The following DDX51 variants were observed in gnomAD, a reference collection of about 807,000 sequenced individuals.
DDX51 encodes DEAD-box helicase 51.
A neutral mutation model predicts 74.6 loss-of-function variants in DDX51; 67 were observed. That is an observed-to-expected ratio of 0.90 (90% CI 0.74 to 1.10). DDX51 has a LOEUF of 1.10. DDX51 is among the 50% of genes least tolerant of loss of function. The pLI is 0.00. For synonymous variants in DDX51, 545 were observed against 402.9 expected (o/e 1.35, Z -4.22); for missense variants, 1,056 against 905.2 (o/e 1.17, Z -2.14).
In DDX51 at chr12:132,143,860, C is replaced by G; in HGVS notation, c.354G>C (p.Glu118Asp). Residue 118 changes from glutamate to aspartate, a missense_variant, in exon 2 of 15, where the codon GAG becomes GAC. By Grantham distance (45) the Glu-to-Asp change is conservative. Coordinates refer to ENST00000397333, the MANE Select transcript of DDX51 (RefSeq NM_175066.4). ...PGEPSAGSSE[E>D]APGEPSAGSS... ...TCCCTGCGCTGGGCTCCCCTGGCGC[C>G]TCCTCGCTGCTCCCTGCGCTGGGCT... 4 of 1,529,732 alleles carry G rather than the reference C, an allele frequency of 2.6e-6. No individual in the cohort carries two copies. Among genetic ancestry groups the G allele is most frequent in the African/African-American group, 1.4e-5 (1 of 70,494 alleles). 94.8% of individuals were successfully genotyped at this position (1,529,732 alleles called of 1,614,324 possible).
intron 14 of DDX51, 163 bp from the exon 15 acceptor site, chr12:132,139,461 C>T: frequency 6.6e-7 from 1 of 1,524,486 alleles, no homozygotes; most frequent in Middle Eastern, 1.8e-4. Context: ...GTGTTTCCAC[C>T]ACTGGTGCCC....
Position 132,140,438 on chromosome 12 carries a change from T to C in DDX51, c.1658A>G (p.Gln553Arg), listed in dbSNP as rs1897402990. The C allele has an allele frequency of 1.2e-6, 2 of 1,613,264 alleles. No individual in the cohort carries two copies. Among genetic ancestry groups the C allele is most frequent in the East Asian group, 2.2e-5 (1 of 44,892 alleles). ...QRRMILKQFE[Q>R]GKIQLLISTD... ...AGGAACTCACAGCTGGATCTTCCCCTGTTCAAACTGCTTCAGGATCATCCT... is the reference window on the plus strand; with the variant it reads ...AGGAACTCACAGCTGGATCTTCCCCCGTTCAAACTGCTTCAGGATCATCCT... Residue 553 changes from glutamine to arginine, a missense_variant, in exon 11 of 15, where the codon CAG (glutamine) becomes CGG (arginine). Coordinates refer to ENST00000397333, the MANE Select transcript of DDX51 (RefSeq NM_175066.4).
intron 3 of DDX51, 37 bp from the exon 4 acceptor site, chr12:132,142,459 G>A (rs369465417): frequency 2.2e-4 from 352 of 1,592,376 alleles, no homozygotes; most frequent in Non-Finnish European, 2.9e-4. Flanking sequence ...TCGTGTTTAC[G>A]CCTAGGCCTA....
rs377228912 is a variant in DDX51, at chr12:132,142,382, G to C, written c.711C>G (p.Ala237=). 5.5e-5 allele frequency: 88 copies of C among 1,612,828 alleles called. No individual in the cohort carries two copies. The highest frequency in any genetic ancestry group is 4.9e-4 in the Middle Eastern group (3 of 6,082). The change falls in exon 4 of 15, where the codon GCC becomes GCG. Residue 237 remains alanine (A), a synonymous_variant. Coordinates refer to ENST00000397333, the MANE Select transcript of DDX51 (RefSeq NM_175066.4). The part of the protein sequence containing the change: ...AVIPALLESA[A]CGFLVGRGGY... The stretch of plus-strand genomic sequence containing the variant: ...CACCTCTGCCCACCAGAAACCCACA[G>C]GCTGCGCTCTCCAGGAGGGCAGGAA...
intron 2 of DDX51, 135 bp from the exon 3 acceptor site, chr12:132,143,013 G>A (rs1006164419): frequency 1.4e-5 from 17 of 1,173,716 alleles, no homozygotes; most frequent in Middle Eastern, 2.6e-4. Context: ...CCCAGGATGC[G>A]CTTTCCATAC....
Position 132,141,860 on chromosome 12 carries a change from C to A in DDX51, c.985G>T (p.Val329Phe), listed in dbSNP as rs750410878. The A allele has an allele frequency of 3.7e-6, 6 of 1,612,980 alleles. No homozygotes were observed. In the African/African-American group the frequency reaches 6.7e-5, roughly 18 times the overall value. Residue 329 changes from valine (V) to phenylalanine (F), a missense_variant, in exon 6 of 15, where the codon GTC (valine) becomes TTC (phenylalanine). By Grantham distance (50) the Val-to-Phe change is conservative (BLOSUM62 -1). Coordinates refer to ENST00000397333, the MANE Select transcript of DDX51 (RefSeq NM_175066.4). ...CCTGACACAACCTACGTTTTCTGGA[C>A]GAGGCTCTCCTGCTCCTTGGCCAGA... ...KSLAKEQESL[V>F]QKTADGYRCL... is the part of the protein sequence containing the mutation.
Position 132,143,897 on chromosome 12 carries a change from T to G in DDX51, c.317A>C (p.Glu106Ala), listed in dbSNP as rs1007299005. Reference protein sequence around the residue: ...GEDAGAESNEEAPGEPSAGSS... With the variant: ...GEDAGAESNEAAPGEPSAGSS... ...CCCTGCGCTGGGCTCCCCTGGCGCCTCCTCGTTGCTTTCTGCGAGGCAGAC... is the reference window on the plus strand; with the variant it reads ...CCCTGCGCTGGGCTCCCCTGGCGCCGCCTCGTTGCTTTCTGCGAGGCAGAC... Residue 106 changes from glutamate to alanine, a missense_variant, in exon 2 of 15, where the codon GAG becomes GCG. Transcript: ENST00000397333. 25 of 1,516,838 alleles carry G rather than the reference T, an allele frequency of 1.6e-5. No homozygotes were observed. The highest frequency in any genetic ancestry group is 2.2e-5 in the Non-Finnish European group (25 of 1,141,148). The allele number at this position is 1,516,838 out of a possible 1,614,324, so 94.0% of individuals were successfully genotyped here. A position where few individuals can be genotyped will look rare whatever the true frequency, so the allele number is the denominator to read the frequency against.
chr12:132,139,797 G>A (rs768272737), intron 13 of DDX51, 28 bp from the exon 14 acceptor site: 12 of 1,612,872 alleles, frequency 7.4e-6, no homozygotes, highest in Admixed American at 1.7e-5. Context: ...GTGGAAGGGG[G>A]TTCTTGGGCC....
rs1897275589 is a variant in DDX51 at position 132,137,020 on chromosome 12, C to T, written c.*2252G>A. On this transcript the variant is annotated 3_prime_UTR_variant, in exon 15 of 15. Transcript: ENST00000397333. ...AGGGGTTAGAGGAGGGATGTCTTGTCCTCCCAGGGCCCAGGGTTTTAGCTG... is the reference window on the plus strand; with the variant it reads ...AGGGGTTAGAGGAGGGATGTCTTGTTCTCCCAGGGCCCAGGGTTTTAGCTG... 1 of 152,258 alleles carries T rather than the reference C, an allele frequency of 6.6e-6. No individual in the cohort carries two copies. Among genetic ancestry groups the T allele is most frequent in the Non-Finnish European group, 1.5e-5 (1 of 68,112 alleles). 9.4% of individuals were successfully genotyped at this position (152,258 alleles called of 1,614,324 possible).
In DDX51 at chr12:132,138,945, AG is replaced by A; in HGVS notation, c.*326del. The stretch of plus-strand genomic sequence containing the variant: ...GAGCTTGATTTTTAACATTAGCTCA[AG>A]GTTAATGCCCCCAACTCTCAGCAAA... On this transcript the variant is annotated 3_prime_UTR_variant, in exon 15 of 15. Coordinates refer to ENST00000397333, the MANE Select transcript of DDX51 (RefSeq NM_175066.4). The A allele has an allele frequency of 2.6e-6, 1 of 384,644 alleles. No individual in the cohort carries two copies. The highest frequency in any genetic ancestry group is 4.7e-6 in the Non-Finnish European group (1 of 212,944). The allele number at this position is 384,644 out of a possible 1,614,324, so 23.8% of individuals were successfully genotyped here. A position where few individuals can be genotyped will look rare whatever the true frequency, so the allele number is the denominator to read the frequency against.
Position 132,142,419 on chromosome 12 carries a change from T to A in DDX51, c.674A>T (p.Gln225Leu). The A allele has an allele frequency of 6.2e-7, 1 of 1,611,808 alleles. No individual in the cohort carries two copies. The highest frequency in any genetic ancestry group is 1.3e-5 in the African/African-American group (1 of 75,046). ...AHGISSYFPVQAAVIPALLES... is the reference protein window; with the variant it reads ...AHGISSYFPVLAAVIPALLES... ...CAGGAGGGCAGGAATCACAGCTGCC[T>A]GGACTGGATGAGGAAAGGCGAGAGA... is the stretch of plus-strand genomic sequence containing the variant. The change falls in exon 4 of 15, where the codon CAG becomes CTG. Residue 225 changes from glutamine (Q) to leucine (L), a missense_variant. Physicochemically the swap from Gln to Leu is moderately radical, Grantham distance 113. Transcript: ENST00000397333.
At chr12:132,142,096 C>T (rs754461890) in intron 5 of DDX51, 23 bp downstream of exon 5, 1 of 1,557,610 alleles carries the variant, frequency 6.4e-7, no homozygotes, top group Non-Finnish European at 8.7e-7. Context: ...CGGTGCCACG[C>T]TCCAGGTCTA....
intron 6 of DDX51, 75 bp from the exon 7 acceptor site, chr12:132,141,681 C>A: frequency 2.0e-6 from 3 of 1,506,230 alleles, no homozygotes; most frequent in South Asian, 1.3e-5. Context: ...TGCCTCACCC[C>A]ACAGCCCCGA....
chr12:132,143,159 C>G (rs1897543515), intron 2 of DDX51: 1 of 476,088 alleles, frequency 2.1e-6, no homozygotes, highest in South Asian at 2.1e-5. Flanking sequence ...CCTGCCCCAG[C>G]CACGCCGGCG....
In DDX51 at chr12:132,141,817, C is replaced by G. The variant is rs756510998; in HGVS notation, c.995+33G>C. 9.3e-6 allele frequency: 15 copies of G among 1,606,752 alleles called. No homozygotes were observed. The African/African-American group carries it at 1.7e-4, about 19-fold the overall frequency. ...GCCACCTGCAGGGCTGAGCAGGGACCCCCTGAAAAACCCGCACCCTGACAC... is the reference window on the plus strand; with the variant it reads ...GCCACCTGCAGGGCTGAGCAGGGACGCCCTGAAAAACCCGCACCCTGACAC... On this transcript the variant is annotated intron_variant, in intron 6 of 14. Transcript: ENST00000397333.
rs1189197375 is a variant in DDX51, at chr12:132,143,810, C to T, written c.404G>A (p.Arg135His). The part of the protein sequence containing the change: ...AGSSEEAPGE[R>H]STSASAEAAP... The stretch of plus-strand genomic sequence containing the variant: ...CGCCTCGGCGCTGGCGCTGGTGCTG[C>T]GCTCCCCCGGCGCCTCCTCGCTGCT... The change falls in exon 2 of 15, where the codon CGC becomes CAC. Residue 135 changes from arginine to histidine, a missense_variant. Physicochemically the swap from Arg to His is conservative, Grantham distance 29 (BLOSUM62 0). Transcript: ENST00000397333. The T allele has an allele frequency of 2.0e-6, 3 of 1,525,980 alleles. No homozygotes were observed. Among genetic ancestry groups the T allele is most frequent in the East Asian group, 5.1e-5 (2 of 39,438 alleles). The allele number at this position is 1,525,980 out of a possible 1,614,324, so 94.5% of individuals were successfully genotyped here. A position where few individuals can be genotyped will look rare whatever the true frequency, so the allele number is the denominator to read the frequency against.
Position 132,139,109 on chromosome 12 carries a change from C to T in DDX51, c.*163G>A. 9.2e-7 allele frequency: 1 copy of T among 1,082,724 alleles called. No homozygotes were observed. Among genetic ancestry groups the T allele is most frequent in the Non-Finnish European group, 1.3e-6 (1 of 759,662 alleles). 67.1% of individuals were successfully genotyped at this position (1,082,724 alleles called of 1,614,324 possible). A position where few individuals can be genotyped will look rare whatever the true frequency, so the allele number is the denominator to read the frequency against. On this transcript the variant is annotated 3_prime_UTR_variant, in exon 15 of 15. Transcript: ENST00000397333. ...TCCAGTCGGGGCAGGTGCTTGAGCT[C>T]TGACGCCCGGGCTGCCTGGCGCAGA...
At chr12:132,142,648 C>T (rs1897511775) in intron 3 of DDX51, 80 bp downstream of exon 3, 1 of 1,569,746 alleles carries the variant, frequency 6.4e-7, no homozygotes, top group Non-Finnish European at 8.6e-7. Flanking sequence ...GCAGGGACGC[C>T]TGACCCACGG....
rs531852048 is a variant in DDX51 at position 132,140,130 on chromosome 12, G to C, written c.1743C>G (p.Asp581Glu). ...VQGVELVVNY[D>E]APQYLRTYVH... is the part of the protein sequence containing the mutation. ...CGTAGGTTCTCAGGTACTGGGGGGCGTCGTAGTTCACCACCAGCTCCACAC... is the reference window on the plus strand; with the variant it reads ...CGTAGGTTCTCAGGTACTGGGGGGCCTCGTAGTTCACCACCAGCTCCACAC... The change falls in exon 12 of 15, where the codon GAC becomes GAG. Residue 581 changes from aspartate (D) to glutamate (E), a missense_variant. By Grantham distance (45) the Asp-to-Glu change is conservative. Transcript: ENST00000397333. 1 of 1,612,876 alleles carries C rather than the reference G, an allele frequency of 6.2e-7. No homozygotes were observed. The highest frequency in any genetic ancestry group is 1.1e-5 in the South Asian group (1 of 91,082).
Sources: gnomAD v4.1 joint callset for allele counts on GRCh38, gnomAD v4.1.1 for gene constraint, MANE v1.5 for transcripts, NCBI Gene and HGNC (gene_info 2026-07-23, HGNC 2026-07-21) for gene names.